Variants in JAKMIP1 observed in about 807,000 individuals in gnomAD.
JAKMIP1 encodes janus kinase and microtubule-interacting protein 1.
In JAKMIP1, 33 loss-of-function variants were observed where a neutral mutation model predicts 113.0. The observed-to-expected ratio is 0.29, with a 90% CI of 0.22 to 0.39. The LOEUF (loss-of-function observed/expected upper bound fraction) is 0.39, where lower values mean the gene tolerates loss of function less well. Ranked by LOEUF, JAKMIP1 falls within the 10% of genes least tolerant of loss-of-function variation. JAKMIP1 has a pLI of 1.00. For synonymous variants in JAKMIP1, 480 were observed against 459.9 expected (o/e 1.04, Z -0.56); for missense variants, 813 against 1,080.5 (o/e 0.75, Z 3.47).
At chr4:6,125,696 GCACACC>G in intron 1 of JAKMIP1, among the ~76,000 whole-genome samples, 1 of 8,370 alleles carries the variant, frequency 1.2e-4, no homozygotes. Context: ...AAACACACAC[GCACACC>G]ATACACACCA....
chr4:6,194,137 G>A lies in JAKMIP1; in HGVS notation c.-148+6116C>T, dbSNP rs1321066129. On this transcript the variant is annotated intron_variant, in intron 1 of 20. Coordinates refer to ENST00000409021, the MANE Select transcript of JAKMIP1 (RefSeq NM_001099433.2). The surrounding 1 kb of genome is among the most constrained non-coding windows in gnomAD (Gnocchi z 7.4). ...GCAGATGGATGGATGCCGGGGCTGGGAGAGGGGAAGTGAGGAATGACTGCC... is the reference window on the plus strand; with the variant it reads ...GCAGATGGATGGATGCCGGGGCTGGAAGAGGGGAAGTGAGGAATGACTGCC... 6.6e-6 allele frequency among the ~76,000 whole-genome samples: 1 copy of A among 152,060 alleles called. No homozygotes were observed. The highest frequency in any genetic ancestry group is 1.5e-5 in the Non-Finnish European group (1 of 68,030).
chr4:6,163,276 C>G lies in JAKMIP1; in HGVS notation c.-148+36977G>C, dbSNP rs146832900. On this transcript the variant is annotated intron_variant, in intron 1 of 20. Transcript: ENST00000409021. ...AAGTCTATCCGTGTCATTTTTCCAACAGCCCACCTCGTGTCTCTGTGCCAC... is the reference window on the plus strand; with the variant it reads ...AAGTCTATCCGTGTCATTTTTCCAAGAGCCCACCTCGTGTCTCTGTGCCAC... Among the ~76,000 whole-genome samples, 1,004 of 152,016 alleles carry G rather than the reference C, an allele frequency of 6.6e-3. 3 individuals carry two copies. Among genetic ancestry groups the G allele is most frequent in the Non-Finnish European group, 8.4e-3 (572 of 68,036 alleles).
Position 6,080,352 on chromosome 4 carries a change from C to T in JAKMIP1, c.1102-40G>A. ...AGACAGACCACCACAGGGTTACCCG[C>T]CAACAGTGTTTGTTAGGGACAGTGC... On this transcript the variant is annotated intron_variant, in intron 6 of 20. Transcript: ENST00000409021. The surrounding 1 kb of genome is among the most constrained non-coding windows in gnomAD (Gnocchi z 6.0). 3 of 1,604,648 alleles carry T rather than the reference C, an allele frequency of 1.9e-6. No homozygotes were observed. Among genetic ancestry groups the T allele is most frequent in the South Asian group, 1.1e-5 (1 of 89,158 alleles).
chr4:6,078,622 C>A (rs1240009788), intron 8 of JAKMIP1, among the ~76,000 whole-genome samples: 1 of 152,058 alleles, frequency 6.6e-6, no homozygotes, highest in African/African-American at 2.4e-5. Context: ...TATAAACCAA[C>A]CCTGAATGTC....
intron 3 of JAKMIP1, among the ~76,000 whole-genome samples, chr4:6,101,009 CTTTTA>C (rs1712926647): frequency 6.6e-6 from 1 of 152,106 alleles, no homozygotes; most frequent in African/African-American, 2.4e-5. Context: ...CCTTGTCTCT[CTTTTA>C]TTAGTGTCTT....
In JAKMIP1 at chr4:6,167,228, G is replaced by A. The variant is rs1465949027; in HGVS notation, c.-148+33025C>T. Among the ~76,000 whole-genome samples, 2 of 152,092 alleles carry A rather than the reference G, an allele frequency of 1.3e-5. No homozygotes were observed. The highest frequency in any genetic ancestry group is 2.4e-5 in the African/African-American group (1 of 41,416). ...AGACCCAGGGCCTGTGAGTCCACTT[G>A]GAGCACTCCCTCCCTCCCTCTTGCA... On this transcript the variant is annotated intron_variant, in intron 1 of 20. Coordinates refer to ENST00000409021, the MANE Select transcript of JAKMIP1 (RefSeq NM_001099433.2). The surrounding 1 kb of genome is among the most constrained non-coding windows in gnomAD (Gnocchi z 5.3).
At chr4:6,035,845 T>C in intron 19 of JAKMIP1, 59 bp downstream of exon 19, 6 of 1,423,828 alleles carry the variant, frequency 4.2e-6, no homozygotes, top group Non-Finnish European at 5.7e-6. Flanking sequence ...GGTGCCAAGG[T>C]GCACACAGGA....
At chr4:6,066,796 A>C (rs952306579) in intron 8 of JAKMIP1, among the ~76,000 whole-genome samples, 4 of 151,986 alleles carry the variant, frequency 2.6e-5, no homozygotes, top group African/African-American at 9.7e-5. Context: ...GAATTATTAA[A>C]ACCACCAACA....
At chr4:6,066,659 C>T (rs1280144597) in intron 8 of JAKMIP1, among the ~76,000 whole-genome samples, 1 of 150,192 alleles carries the variant, frequency 6.7e-6, no homozygotes. Flanking sequence ...TCTTCTCCAC[C>T]TCTCATGCCT....
Position 6,094,995 on chromosome 4 carries a change from G to A in JAKMIP1, c.625-9366C>T. Among the ~76,000 whole-genome samples, 2 of 131,186 alleles carry A rather than the reference G, an allele frequency of 1.5e-5. No individual in the cohort carries two copies. The highest frequency in any genetic ancestry group is 2.5e-4 in the East Asian group (1 of 4,000). 86.1% of individuals were successfully genotyped at this position (131,186 alleles called of 152,430 possible). A position where few individuals can be genotyped will look rare whatever the true frequency, so the allele number is the denominator to read the frequency against. On this transcript the variant is annotated intron_variant, in intron 3 of 20. Transcript: ENST00000409021. This position sits in a 1 kb window ranked among gnomAD's most constrained non-coding sequence, Gnocchi z 4.2. The stretch of plus-strand genomic sequence containing the variant: ...CAAGACCCTGTCAAAAAAGAAAAAA[G>A]ATAGAAGAAAAATAAAAAGGAAGAG...
intron 5 of JAKMIP1, among the ~76,000 whole-genome samples, chr4:6,082,115 G>A (rs74486544): frequency 2.6e-5 from 4 of 151,928 alleles, no homozygotes; most frequent in Non-Finnish European, 5.9e-5. Context: ...TTCCCCATCC[G>A]CATTTTATAG....
In JAKMIP1 at chr4:6,192,034, G is replaced by A. The variant is rs1255956016; in HGVS notation, c.-148+8219C>T. Among the ~76,000 whole-genome samples the A allele has an allele frequency of 2.6e-5, 4 of 151,988 alleles. No individual in the cohort carries two copies. Among genetic ancestry groups the A allele is most frequent in the Non-Finnish European group, 1.5e-5 (1 of 68,024 alleles). On this transcript the variant is annotated intron_variant, in intron 1 of 20. Coordinates refer to ENST00000409021, the MANE Select transcript of JAKMIP1 (RefSeq NM_001099433.2). This position sits in a 1 kb window ranked among gnomAD's most constrained non-coding sequence, Gnocchi z 5.0. ...TACAACCTCCGCCTCCCGGGTTTGA[G>A]CTATTCTCCTGCCTCAGCCTCCCGA...
intron 20 of JAKMIP1, among the ~76,000 whole-genome samples, chr4:6,026,600 G>A (rs1232852040): frequency 6.6e-6 from 1 of 151,926 alleles, no homozygotes; most frequent in East Asian, 1.9e-4. Flanking sequence ...TGCAGAACTT[G>A]GGCAGGCCGG....
At chr4:6,037,462 T>A (rs1427023319) in intron 18 of JAKMIP1, among the ~76,000 whole-genome samples, 2 of 114,386 alleles carry the variant, frequency 1.7e-5, no homozygotes, top group East Asian at 2.7e-4. Context: ...TAGCCCTCCA[T>A]CACTGAGGCA....
chr4:6,081,716 G>C lies in JAKMIP1; in HGVS notation c.994C>G (p.Leu332Val). 1 of 1,614,160 alleles carries C rather than the reference G, an allele frequency of 6.2e-7. No individual in the cohort carries two copies. Among genetic ancestry groups the C allele is most frequent in the Non-Finnish European group, 8.5e-7 (1 of 1,180,032 alleles). The change falls in exon 6 of 21, where the codon CTG becomes GTG. Residue 332 changes from leucine to valine, a missense_variant. Around this residue, in one of 2 missense-constraint regions of JAKMIP1, gnomAD observed 540 missense variants for 653.9 expected, o/e 0.83. Transcript: ENST00000409021. The surrounding 1 kb of genome is among the most constrained non-coding windows in gnomAD (Gnocchi z 4.6). The part of the protein sequence containing the change: ...SRETEVQLKP[L>V]VEKNKRMNKK... ...TTCATCCGCTTGTTCTTCTCCACCAGGGGCTTCAGCTGAACCTCGGTCTCT... is the reference window on the plus strand; with the variant it reads ...TTCATCCGCTTGTTCTTCTCCACCACGGGCTTCAGCTGAACCTCGGTCTCT...
chr4:6,128,478 T>C (rs1383582282), intron 1 of JAKMIP1, among the ~76,000 whole-genome samples: 1 of 152,100 alleles, frequency 6.6e-6, no homozygotes, highest in Non-Finnish European at 1.5e-5. Context: ...GGAGTCTTTA[T>C]TGGCACAAGG....
rs1244132350 is a variant in JAKMIP1, at chr4:6,199,415, A to T, written c.-148+838T>A. Among the ~76,000 whole-genome samples, 2 of 152,174 alleles carry T rather than the reference A, an allele frequency of 1.3e-5. No homozygotes were observed. Among genetic ancestry groups the T allele is most frequent in the African/African-American group, 4.8e-5 (2 of 41,456 alleles). ...AGCCCACAGCAGGGGGGATGGAGCG[A>T]AGGACCGAGGGGCTGGGAGGCGAGG... is the stretch of plus-strand genomic sequence containing the variant. On this transcript the variant is annotated intron_variant, in intron 1 of 20. Transcript: ENST00000409021. The surrounding 1 kb of genome is among the most constrained non-coding windows in gnomAD (Gnocchi z 5.6).
At position 6,136,652 on chromosome 4, in the gene JAKMIP1, G is replaced by A. The variant is rs530531568; in HGVS notation, c.-147-23655C>T. ...CTTGCCTACTTTTCTGATTTTTCAT[G>A]GTGATTAGCACCCAGTCAGGAGCCA... On this transcript the variant is annotated intron_variant, in intron 1 of 20. Coordinates refer to ENST00000409021, the MANE Select transcript of JAKMIP1 (RefSeq NM_001099433.2). This position sits in a 1 kb window ranked among gnomAD's most constrained non-coding sequence, Gnocchi z 5.9. Among the ~76,000 whole-genome samples, 3 of 152,170 alleles carry A rather than the reference G, an allele frequency of 2.0e-5. No individual in the cohort carries two copies. In the South Asian group the frequency reaches 6.2e-4, roughly 32 times the overall value.
At position 6,106,219 on chromosome 4, in the gene JAKMIP1, G is replaced by T. The variant is rs906643380; in HGVS notation, c.130-252C>A. 3.3e-5 allele frequency among the ~76,000 whole-genome samples: 5 copies of T among 152,206 alleles called. No individual in the cohort carries two copies. The highest frequency in any genetic ancestry group is 7.3e-5 in the Non-Finnish European group (5 of 68,028). Reference sequence around the variant, plus strand: ...GAAACCCCCTGAGGATGCTGGAGAGGCATTCAAGCCTTTGACATCTCTTCC... The same window carrying T: ...GAAACCCCCTGAGGATGCTGGAGAGTCATTCAAGCCTTTGACATCTCTTCC... On this transcript the variant is annotated intron_variant, in intron 2 of 20. Coordinates refer to ENST00000409021, the MANE Select transcript of JAKMIP1 (RefSeq NM_001099433.2). This position sits in a 1 kb window ranked among gnomAD's most constrained non-coding sequence, Gnocchi z 5.9.
Sources: gnomAD v4.1 joint callset for allele counts (sites outside exome capture counted in the v4.1 genomes callset) on GRCh38, gnomAD v4.1.1 for gene constraint, gnomAD v4.1.1 regional missense constraint, Gnocchi (gnomAD v3.1) non-coding constraint, MANE v1.5 for transcripts, NCBI Gene and HGNC (gene_info 2026-07-23, HGNC 2026-07-21) for gene names.